NRXN1: variants seen among roughly 807,000 people sequenced by gnomAD.
The protein encoded by NRXN1 is neurexin-1.
In NRXN1, 39 loss-of-function variants were observed where a neutral mutation model predicts 150.9. That is an observed-to-expected ratio of 0.26 (90% CI 0.20 to 0.34). NRXN1 has a LOEUF of 0.34. Ranked by LOEUF, NRXN1 falls within the 10% of genes least tolerant of loss-of-function variation. NRXN1 has a pLI of 1.00. For missense variants in NRXN1, 1,815 were observed against 1,949.9 expected (o/e 0.93, Z 1.30); for synonymous variants, 924 against 757.0 (o/e 1.22, Z -3.62).
In NRXN1 at chr2:50,389,158, T is replaced by A. The variant is rs138889283; in HGVS notation, c.3364+76284A>T. Among the ~76,000 whole-genome samples the A allele has an allele frequency of 4.6e-4, 70 of 151,858 alleles. No homozygotes were observed. In the East Asian group the frequency reaches 8.1e-3, roughly 18 times the overall value. On this transcript the variant is annotated intron_variant, in intron 17 of 22. Coordinates refer to ENST00000401669, the MANE Select transcript of NRXN1 (RefSeq NM_001330078.2). ...ACTTGCTAGACACAGAGCGAGGCCC[T>A]GTCTCAAGACAACAACAACAAAACA...
chr2:50,333,305 G>A (rs766323746), intron 17 of NRXN1, among the ~76,000 whole-genome samples: 7 of 152,172 alleles, frequency 4.6e-5, no homozygotes, highest in African/African-American at 1.4e-4. Flanking sequence ...GGGCTGCAAC[G>A]TTGCCCTACC....
At chr2:50,301,435 C>A (rs1025093625) in intron 17 of NRXN1, among the ~76,000 whole-genome samples, 27 of 152,156 alleles carry the variant, frequency 1.8e-4, no homozygotes, top group African/African-American at 6.3e-4. Flanking sequence ...TTTAGCACAA[C>A]ATCATACATT....
At chr2:50,590,972 C>T (rs1674083605) in intron 8 of NRXN1, among the ~76,000 whole-genome samples, 1 of 152,080 alleles carries the variant, frequency 6.6e-6, no homozygotes, top group Non-Finnish European at 1.5e-5. Flanking sequence ...TGTTATGTTC[C>T]AAACACAGTC....
At chr2:50,330,381 C>G (rs1316007094) in intron 17 of NRXN1, among the ~76,000 whole-genome samples, 1 of 152,016 alleles carries the variant, frequency 6.6e-6, no homozygotes, top group African/African-American at 2.4e-5. Flanking sequence ...TTAAAGAGTT[C>G]GACAGAAAGA....
intron 9 of NRXN1, among the ~76,000 whole-genome samples, chr2:50,550,265 T>G (rs1323104398): frequency 6.6e-6 from 1 of 152,100 alleles, no homozygotes. Flanking sequence ...CTTGCTCTGT[T>G]GCCCAGGCTG....
At chr2:51,019,707 T>A (rs935171584) in intron 2 of NRXN1, among the ~76,000 whole-genome samples, 2 of 152,106 alleles carry the variant, frequency 1.3e-5, no homozygotes, top group Admixed American at 6.6e-5. Flanking sequence ...ATTGGAAAAC[T>A]TACATTGCCT....
chr2:50,234,712 G>A (rs182676034), intron 18 of NRXN1, among the ~76,000 whole-genome samples: 30 of 152,076 alleles, frequency 2.0e-4, no homozygotes, highest in South Asian at 1.2e-3. Flanking sequence ...CACGGTTTAC[G>A]AGCAAGGGAG....
chr2:50,093,087 T>G (rs1699795006), intron 18 of NRXN1, among the ~76,000 whole-genome samples: 1 of 148,644 alleles, frequency 6.7e-6, no homozygotes, highest in Admixed American at 6.8e-5. Flanking sequence ...AATAAGAAAA[T>G]AATGCATGCT....
At chr2:49,976,867 A>G (rs750622588) in intron 21 of NRXN1, among the ~76,000 whole-genome samples, 1 of 152,244 alleles carries the variant, frequency 6.6e-6, no homozygotes, top group Non-Finnish European at 1.5e-5. Context: ...TTACCCAGAC[A>G]TGGGCAAATT....
At chr2:50,497,257 T>C in intron 14 of NRXN1, 76 bp downstream of exon 14, 6 of 1,154,770 alleles carry the variant, frequency 5.2e-6, no homozygotes, top group Non-Finnish European at 7.1e-6. Context: ...ATGTTCTTCT[T>C]AGTGTATATT....
intron 18 of NRXN1, among the ~76,000 whole-genome samples, chr2:50,135,488 C>G (rs1180538195): frequency 6.6e-6 from 1 of 151,932 alleles, no homozygotes; most frequent in Admixed American, 6.6e-5. Flanking sequence ...GTCAGGAGAT[C>G]CAGACCATCC....
At chr2:50,836,587 T>C (rs914024307) in intron 5 of NRXN1, among the ~76,000 whole-genome samples, 4 of 152,102 alleles carry the variant, frequency 2.6e-5, no homozygotes, top group African/African-American at 9.7e-5. Context: ...CTTTTACACC[T>C]AGCTTATTTC....
intron 5 of NRXN1, among the ~76,000 whole-genome samples, chr2:50,664,026 T>C (rs1266531453): frequency 6.6e-6 from 1 of 152,006 alleles, no homozygotes; most frequent in Non-Finnish European, 1.5e-5. Context: ...GCTCCTACTA[T>C]GGTCAGGCAC....
rs939693515 is a variant in NRXN1 at position 49,972,020 on chromosome 2, C to A, written c.4129-28229G>T. Among the ~76,000 whole-genome samples, 22 of 152,022 alleles carry A rather than the reference C, an allele frequency of 1.4e-4. 1 individual carries two copies. The highest frequency in any genetic ancestry group is 1.4e-3 in the Admixed American group (22 of 15,244). On this transcript the variant is annotated intron_variant, in intron 21 of 22. Transcript: ENST00000401669. ...CACTAGATAACTGACAAGTGAGCTG[C>A]GGGCAACCCAAAAGATTGCATTTAA...
At chr2:50,489,925 C>T (rs988643004) in intron 15 of NRXN1, among the ~76,000 whole-genome samples, 24 of 146,664 alleles carry the variant, frequency 1.6e-4, no homozygotes, top group African/African-American at 6.3e-4. Context: ...CTCTCAACTT[C>T]CCGCCTCCTT....
At chr2:50,875,331 T>A (rs1367406970) in intron 5 of NRXN1, among the ~76,000 whole-genome samples, 1 of 151,806 alleles carries the variant, frequency 6.6e-6, no homozygotes, top group Non-Finnish European at 1.5e-5. Flanking sequence ...AAATAAAACC[T>A]AGTATACCAA....
intron 2 of NRXN1, among the ~76,000 whole-genome samples, chr2:51,013,933 A>G (rs1668279120): frequency 6.6e-6 from 1 of 152,050 alleles, no homozygotes; most frequent in Non-Finnish European, 1.5e-5. Context: ...CCTGCTTACA[A>G]ATGCAATGCT....
rs556065640 is a variant in NRXN1, at chr2:50,100,246, CTG to C, written c.3547-8754_3547-8753del. Among the ~76,000 whole-genome samples the C allele has an allele frequency of 2.8e-3, 421 of 152,138 alleles. 2 individuals are homozygous for C. Among genetic ancestry groups the C allele is most frequent in the African/African-American group, 9.6e-3 (400 of 41,540 alleles). ...GTTTCTTCCCAAGAAAGTATAATCT[CTG>C]ATGGAAGCGCTTGCCATTATTGGGA... is the stretch of plus-strand genomic sequence containing the variant. On this transcript the variant is annotated intron_variant, in intron 18 of 22. Transcript: ENST00000401669.
intron 18 of NRXN1, among the ~76,000 whole-genome samples, chr2:50,163,429 G>T (rs1375822715): frequency 6.6e-6 from 1 of 152,036 alleles, no homozygotes; most frequent in Non-Finnish European, 1.5e-5. Context: ...AGAGTAGAGG[G>T]AAAACAGACA....
Sources: allele counts gnomAD v4.1 joint callset (sites outside exome capture counted in the v4.1 genomes callset), GRCh38; gene constraint gnomAD v4.1.1; transcripts MANE v1.5; gene names NCBI Gene and HGNC (gene_info 2026-07-23, HGNC 2026-07-21).